The following RBPMS variants were observed in gnomAD, a reference collection of about 807,000 sequenced individuals.
The protein encoded by RBPMS is RNA binding protein, mRNA processing factor.
RBPMS carries 7 observed loss-of-function variants against 26.8 expected under a neutral mutation model. The ratio of observed to expected loss-of-function variants is 0.26; its 90% CI spans 0.15 to 0.49. The LOEUF (loss-of-function observed/expected upper bound fraction) is 0.49. RBPMS is among the 20% of genes least tolerant of loss of function. RBPMS has a pLI of 0.98. For missense variants in RBPMS, 186 were observed against 250.0 expected (o/e 0.74, Z 1.73); for synonymous variants, 96 against 93.3 (o/e 1.03, Z -0.17).
At chr8:30,456,349 C>T (rs990439096) in intron 1 of RBPMS, among the ~76,000 whole-genome samples, 3 of 152,048 alleles carry the variant, frequency 2.0e-5, no homozygotes, top group African/African-American at 7.2e-5. Flanking sequence ...GTTGTCTAAG[C>T]GCTGCTTACA....
At chr8:30,517,120 T>C (rs912855684) in intron 5 of RBPMS, among the ~76,000 whole-genome samples, 2 of 151,996 alleles carry the variant, frequency 1.3e-5, no homozygotes, top group African/African-American at 4.8e-5. Context: ...CCTGCTCTGA[T>C]ACCTGCTTTC....
chr8:30,428,200 T>A (rs972656852), intron 1 of RBPMS, among the ~76,000 whole-genome samples: 6 of 151,820 alleles, frequency 4.0e-5, no homozygotes, highest in Admixed American at 6.6e-5. Flanking sequence ...ATTTTTGTAT[T>A]TTTAGTAGAG....
intron 5 of RBPMS, among the ~76,000 whole-genome samples, chr8:30,521,226 A>G (rs1335760071): frequency 6.6e-6 from 1 of 152,166 alleles, no homozygotes; most frequent in African/African-American, 2.4e-5. Context: ...GGTCCCTGAA[A>G]TGGAATGTAT....
At chr8:30,521,192 C>T (rs1822983540) in intron 5 of RBPMS, among the ~76,000 whole-genome samples, 1 of 152,162 alleles carries the variant, frequency 6.6e-6, no homozygotes, top group South Asian at 2.1e-4. Flanking sequence ...CATGTCTTCT[C>T]TGCTTGTTTT....
chr8:30,438,723 C>G (rs1220018125), intron 1 of RBPMS, among the ~76,000 whole-genome samples: 1 of 152,112 alleles, frequency 6.6e-6, no homozygotes, highest in Non-Finnish European at 1.5e-5. Context: ...TTTTTGTCAT[C>G]AAGTTCGCAT....
At chr8:30,460,390 G>C (rs1361821324) in intron 1 of RBPMS, among the ~76,000 whole-genome samples, 1 of 152,178 alleles carries the variant, frequency 6.6e-6, no homozygotes, top group Non-Finnish European at 1.5e-5. Context: ...GTTTTAAATA[G>C]TGGCTGGATG....
chr8:30,499,043 G>T (rs1011920372), intron 4 of RBPMS, among the ~76,000 whole-genome samples: 1 of 152,136 alleles, frequency 6.6e-6, no homozygotes, highest in African/African-American at 2.4e-5. Context: ...CTAAATATAA[G>T]TCTGTAAGTC....
chr8:30,549,942 C>G (rs1371302458), intron 6 of RBPMS, among the ~76,000 whole-genome samples: 1 of 150,424 alleles, frequency 6.6e-6, no homozygotes, highest in African/African-American at 2.5e-5. Context: ...GCTCCGCCTC[C>G]CGGGTTCATG....
intron 1 of RBPMS, among the ~76,000 whole-genome samples, chr8:30,411,434 G>A (rs958637349): frequency 1.3e-5 from 2 of 152,088 alleles, no homozygotes; most frequent in Non-Finnish European, 2.9e-5. Flanking sequence ...GGAGGTGGAG[G>A]TGGGTAGGTC....
At chr8:30,549,599 G>A in intron 6 of RBPMS, 1 of 1,604,584 alleles carries the variant, frequency 6.2e-7, no homozygotes, top group Non-Finnish European at 8.5e-7. Flanking sequence ...AGGCTTTCTA[G>A]GAGCACCTGG....
chr8:30,496,892 A>G (rs979526799), intron 4 of RBPMS, among the ~76,000 whole-genome samples: 1 of 152,200 alleles, frequency 6.6e-6, no homozygotes, highest in Admixed American at 6.5e-5. Flanking sequence ...GAGCGTAACA[A>G]TTGTTTTCAC....
rs149566559 is a variant in RBPMS, at chr8:30,451,365, T to G, written c.67-23414T>G. On this transcript the variant is annotated intron_variant, in intron 1 of 8. Transcript: ENST00000397323. ...AGAATTGCTTCAGCCATTGACATAG[T>G]GTCTGTACTCATGGGGCTTTGTTGT... Among the ~76,000 whole-genome samples the G allele has an allele frequency of 1.1e-4, 17 of 152,352 alleles. No individual in the cohort carries two copies. In the East Asian group the frequency reaches 3.3e-3, roughly 29 times the overall value.
At chr8:30,452,453 A>G (rs988569369) in intron 1 of RBPMS, among the ~76,000 whole-genome samples, 1 of 152,066 alleles carries the variant, frequency 6.6e-6, no homozygotes, top group Non-Finnish European at 1.5e-5. Context: ...GCAGTTAGAT[A>G]CTCATTGCTG....
At chr8:30,479,681 T>C (rs1480355207) in intron 4 of RBPMS, among the ~76,000 whole-genome samples, 6 of 152,210 alleles carry the variant, frequency 3.9e-5, no homozygotes, top group Non-Finnish European at 7.3e-5. Context: ...GTAGTGCTGC[T>C]TTGTTTTTTC....
In RBPMS at chr8:30,446,645, T is replaced by A. The variant is rs1813804067; in HGVS notation, c.67-28134T>A. Among the ~76,000 whole-genome samples the A allele has an allele frequency of 2.6e-5, 4 of 152,124 alleles. No individual in the cohort carries two copies. In the South Asian group the frequency reaches 8.3e-4, roughly 32 times the overall value. ...AAAGTGGTCTATATTTATCAGACTT[T>A]TTTGAGACAGGGTTTTGCTCCATTG... is the stretch of plus-strand genomic sequence containing the variant. On this transcript the variant is annotated intron_variant, in intron 1 of 8. Transcript: ENST00000397323.
At chr8:30,436,620 C>T (rs1275226088) in intron 1 of RBPMS, among the ~76,000 whole-genome samples, 1 of 152,206 alleles carries the variant, frequency 6.6e-6, no homozygotes. Context: ...TTTCCTGTAT[C>T]TAACACTAAT....
At chr8:30,502,378 A>G (rs910010602) in intron 4 of RBPMS, among the ~76,000 whole-genome samples, 1 of 152,162 alleles carries the variant, frequency 6.6e-6, no homozygotes, top group Non-Finnish European at 1.5e-5. Flanking sequence ...TAGAATTCAC[A>G]TGTGCAGCCT....
intron 1 of RBPMS, among the ~76,000 whole-genome samples, chr8:30,467,263 G>A (rs1489042878): frequency 6.6e-6 from 1 of 152,228 alleles, no homozygotes; most frequent in African/African-American, 2.4e-5. Flanking sequence ...GCAGGGTTCA[G>A]TCTTGCAACT....
intron 5 of RBPMS, among the ~76,000 whole-genome samples, chr8:30,508,314 C>T (rs1195370269): frequency 1.3e-5 from 2 of 152,208 alleles, no homozygotes; most frequent in Non-Finnish European, 2.9e-5. Flanking sequence ...AAGCCACTCA[C>T]TCTGGTATAT....
Sources: allele counts gnomAD v4.1 joint callset (sites outside exome capture counted in the v4.1 genomes callset), GRCh38; gene constraint gnomAD v4.1.1; transcripts MANE v1.5; gene names NCBI Gene and HGNC (gene_info 2026-07-23, HGNC 2026-07-21).